Variants in LPIN2 observed in about 807,000 individuals in gnomAD.
LPIN2 encodes lipin 2, also known as phosphatidate phosphatase LPIN2.
In LPIN2, 55 loss-of-function variants were observed where a neutral mutation model predicts 111.4. That is an observed-to-expected ratio of 0.49 (90% CI 0.40 to 0.62). The LOEUF (loss-of-function observed/expected upper bound fraction) is 0.62. Ranked by LOEUF, LPIN2 falls within the 20% of genes least tolerant of loss-of-function variation. The pLI, the probability that LPIN2 is intolerant of heterozygous loss-of-function variation, is 0.00. For synonymous variants in LPIN2, 425 were observed against 414.0 expected, an observed-to-expected ratio of 1.03 and a Z score of -0.32; for missense variants, 992 against 1,112.1, an observed-to-expected ratio of 0.89 and a Z score of 1.54.
chr18:2,983,022 T>A lies in LPIN2; in HGVS notation c.-9-22173A>T, dbSNP rs569185402. The A allele has an allele frequency of 5.0e-5, 15 of 300,440 alleles. No individual in the cohort carries two copies. The East Asian group carries it at 1.1e-3, about 23-fold the overall frequency. The allele number at this position is 300,440 out of a possible 1,614,324, so 18.6% of individuals were successfully genotyped here. Reference sequence around the variant, plus strand: ...CATGGGACAGGTTGTGCCATGTGTTTACACTGATAGGCACCAAGACCTGCC... The same window carrying A: ...CATGGGACAGGTTGTGCCATGTGTTAACACTGATAGGCACCAAGACCTGCC... On this transcript the variant is annotated intron_variant, in intron 1 of 19. Transcript: ENST00000677752.
At chr18:2,942,808 C>T (rs1171594499) in intron 4 of LPIN2, among the ~76,000 whole-genome samples, 1 of 152,194 alleles carries the variant, frequency 6.6e-6, no homozygotes, top group Non-Finnish European at 1.5e-5. Context: ...AGAACAGGGA[C>T]CTGCAAGGCA....
intron 1 of LPIN2, among the ~76,000 whole-genome samples, chr18:2,970,979 G>T (rs2077897940): frequency 6.6e-6 from 1 of 152,180 alleles, no homozygotes; most frequent in African/African-American, 2.4e-5. Context: ...TCAGAAAAGG[G>T]AAGACGCTTT....
rs754008937 is a variant in LPIN2 at position 2,939,616 on chromosome 18, C to A, written c.699-13G>T. 26 of 1,612,210 alleles carry A rather than the reference C, an allele frequency of 1.6e-5. 1 individual carries two copies. In the South Asian group the frequency reaches 2.9e-4, roughly 18 times the overall value. Reference sequence around the variant, plus strand: ...CTGGGGATAGGTGCTGCAAAGAGAACAAAGACACACGATGACTTGAAAGTC... The same window carrying A: ...CTGGGGATAGGTGCTGCAAAGAGAAAAAAGACACACGATGACTTGAAAGTC... On this transcript the variant is annotated splice_polypyrimidine_tract_variant and intron_variant, in intron 5 of 19. Coordinates refer to ENST00000677752, the MANE Select transcript of LPIN2 (RefSeq NM_001375808.2).
chr18:2,971,222 G>C (rs534220241), intron 1 of LPIN2, among the ~76,000 whole-genome samples: 6 of 152,140 alleles, frequency 3.9e-5, no homozygotes, highest in Admixed American at 6.5e-5. Flanking sequence ...CTGGTATTTC[G>C]TAAGAGGAGC....
intron 3 of LPIN2, 145 bp downstream of exon 3, chr18:2,954,359 T>C (rs867634846): frequency 7.4e-6 from 5 of 672,850 alleles, no homozygotes; most frequent in Middle Eastern, 2.7e-4. Flanking sequence ...GACAGCTTAG[T>C]TCTTCAACAT....
chr18:2,985,947 T>C (rs1238159788), intron 1 of LPIN2, among the ~76,000 whole-genome samples: 1 of 152,236 alleles, frequency 6.6e-6, no homozygotes, highest in Non-Finnish European at 1.5e-5. Flanking sequence ...AATTTCATAA[T>C]ACCCACCGGA....
chr18:2,920,961 G>A, intron 18 of LPIN2, 80 bp from the exon 19 acceptor site: 1 of 934,844 alleles, frequency 1.1e-6, no homozygotes, highest in Non-Finnish European at 1.8e-6. Context: ...TGAGCCAGAA[G>A]CACTGCACAG....
At chr18:2,958,117 G>C (rs1179107113) in intron 2 of LPIN2, among the ~76,000 whole-genome samples, 7 of 92,924 alleles carry the variant, frequency 7.5e-5, no homozygotes, top group Non-Finnish European at 1.2e-4. Flanking sequence ...ACTCCAGCTT[G>C]GGCGACAAAG....
chr18:2,928,770 T>C (rs2077172718), intron 10 of LPIN2, 110 bp from the exon 11 acceptor site: 2 of 837,674 alleles, frequency 2.4e-6, no homozygotes, highest in African/African-American at 1.7e-5. Flanking sequence ...AAATTGCTTA[T>C]TCTTTTCAAT....
intron 1 of LPIN2, among the ~76,000 whole-genome samples, chr18:3,011,173 T>C (rs1222607919): frequency 6.6e-6 from 1 of 152,194 alleles, no homozygotes; most frequent in Non-Finnish European, 1.5e-5. Context: ...TACATTCTCC[T>C]AGCAATAAAG....
intron 3 of LPIN2, among the ~76,000 whole-genome samples, chr18:2,952,036 A>C (rs1445626849): frequency 6.6e-6 from 1 of 152,246 alleles, no homozygotes; most frequent in Non-Finnish European, 1.5e-5. Context: ...TACTAAATAA[A>C]CGATCAAGTC....
Position 2,929,100 on chromosome 18 carries a change from T to C in LPIN2, c.1515A>G (p.Ile505Met), listed in dbSNP as rs769140797. The change falls in exon 10 of 20, where the codon ATA becomes ATG. Residue 505 changes from isoleucine (I) to methionine (M), a missense_variant. Physicochemically the swap from Ile to Met is conservative, Grantham distance 10. Transcript: ENST00000677752. The part of the protein sequence containing the change: ...YHEFAENPGL[I>M]DNPNLVIRIY... Reference sequence around the variant, plus strand: ...TCCTTATTACAAGGTTAGGATTGTCTATAAGTCCAGGGTTTTCTGCAAATT... The same window carrying C: ...TCCTTATTACAAGGTTAGGATTGTCCATAAGTCCAGGGTTTTCTGCAAATT... 14 of 1,604,740 alleles carry C rather than the reference T, an allele frequency of 8.7e-6. No homozygotes were observed. In the East Asian group the frequency reaches 2.9e-4, roughly 33 times the overall value.
At chr18:2,964,829 G>A (rs1296100530) in intron 1 of LPIN2, among the ~76,000 whole-genome samples, 1 of 152,128 alleles carries the variant, frequency 6.6e-6, no homozygotes, top group Non-Finnish European at 1.5e-5. Context: ...ATATTACCAC[G>A]CTCTTCCAAA....
intron 1 of LPIN2, among the ~76,000 whole-genome samples, chr18:3,007,602 T>C (rs541195328): frequency 1.2e-4 from 19 of 152,330 alleles, no homozygotes; most frequent in African/African-American, 4.6e-4. Context: ...AGATATATTA[T>C]ATCCCCTATA....
At chr18:2,996,288 C>T (rs764046502) in intron 1 of LPIN2, among the ~76,000 whole-genome samples, 39 of 151,470 alleles carry the variant, frequency 2.6e-4, no homozygotes, top group East Asian at 5.9e-4. Context: ...TGCAGTGAGC[C>T]GAGATCGCAC....
intron 6 of LPIN2, 56 bp downstream of exon 6, chr18:2,939,424 A>T: frequency 6.2e-7 from 1 of 1,606,818 alleles, no homozygotes; most frequent in Non-Finnish European, 8.5e-7. Context: ...GGGCAGAGGA[A>T]TTCGTCACTT....
chr18:2,920,172 A>T lies in LPIN2; in HGVS notation c.*121T>A. 7.3e-7 allele frequency: 1 copy of T among 1,368,112 alleles called. No homozygotes were observed. The highest frequency in any genetic ancestry group is 1.0e-6 in the Non-Finnish European group (1 of 969,936). The allele number at this position is 1,368,112 out of a possible 1,614,324, so 84.7% of individuals were successfully genotyped here. ...GAAGGCAAAGGAGGATGGCGGGACC[A>T]GCTCCAGAAGCACCCGTCCCCGCTG... is the stretch of plus-strand genomic sequence containing the variant. On this transcript the variant is annotated 3_prime_UTR_variant, in exon 20 of 20. Transcript: ENST00000677752.
intron 1 of LPIN2, among the ~76,000 whole-genome samples, chr18:2,964,730 G>A (rs1251994880): frequency 6.6e-6 from 1 of 152,168 alleles, no homozygotes; most frequent in East Asian, 1.9e-4. Flanking sequence ...TCAGTTTTGG[G>A]ATCGTTACAG....
chr18:2,987,064 T>C lies in LPIN2; in HGVS notation c.-10+26023A>G, dbSNP rs146059281. 6.5e-3 allele frequency among the ~76,000 whole-genome samples: 994 copies of C among 152,286 alleles called. 15 individuals carry two copies. Among genetic ancestry groups the C allele is most frequent in the African/African-American group, 0.022 (930 of 41,544 alleles). On this transcript the variant is annotated intron_variant, in intron 1 of 19. Coordinates refer to ENST00000677752, the MANE Select transcript of LPIN2 (RefSeq NM_001375808.2). ...CCCATTTCACCTCTGAATAGCAGTT[T>C]GCACAGTGATGACACCCTTAGGTAT...
Sources: allele counts gnomAD v4.1 joint callset (sites outside exome capture counted in the v4.1 genomes callset), GRCh38; gene constraint gnomAD v4.1.1; transcripts MANE v1.5; gene names NCBI Gene and HGNC (gene_info 2026-07-23, HGNC 2026-07-21).